PTCD1: variants seen among roughly 807,000 people sequenced by gnomAD.
PTCD1 encodes the protein pentatricopeptide repeat-containing protein 1, mitochondrial.
In PTCD1, 50 loss-of-function variants were observed where a neutral mutation model predicts 53.4. That is an observed-to-expected ratio of 0.94 (90% confidence interval 0.75 to 1.19). PTCD1 has a LOEUF of 1.19. PTCD1 is among the 50% of genes most tolerant of loss of function. The probability of loss-of-function intolerance (pLI) is 0.00; values close to 1 mark genes in which losing one functional copy is unlikely to be tolerated. For synonymous variants in PTCD1, 413 were observed against 394.8 expected, an observed-to-expected ratio of 1.05 and a Z score of -0.55; for missense variants, 918 against 904.8, an observed-to-expected ratio of 1.01 and a Z score of -0.19.
At chr7:99,435,786 C>T (rs919537541) in intron 1 of PTCD1, among the ~76,000 whole-genome samples, 10 of 151,138 alleles carry the variant, frequency 6.6e-5, no homozygotes, top group African/African-American at 2.4e-4. Context: ...ATACAAAAAA[C>T]ATGAGCTGGG....
intron 2 of PTCD1, among the ~76,000 whole-genome samples, chr7:99,434,333 C>G (rs1036900379): frequency 6.6e-6 from 1 of 151,958 alleles, no homozygotes; most frequent in Non-Finnish European, 1.5e-5. Flanking sequence ...GTAATCCCAG[C>G]TACTCAGGAT....
At position 99,417,442 on chromosome 7, in the gene PTCD1, T is replaced by C. The variant is rs113830555; in HGVS notation, c.*2525A>G. The C allele has an allele frequency of 7.8e-4, 1,266 of 1,613,894 alleles. 8 individuals carry two copies. In the African/African-American group the frequency reaches 0.015, roughly 19 times the overall value. On this transcript the variant is annotated 3_prime_UTR_variant, in exon 8 of 8. Coordinates refer to ENST00000292478, the MANE Select transcript of PTCD1 (RefSeq NM_015545.4). ...TCTTTTTGACAGAACTCTATGAATA[T>C]TGTATTAAAGAAGGCTATGCAGACA...
chr7:99,437,635 G>A (rs760839080), intron 1 of PTCD1, among the ~76,000 whole-genome samples: 1 of 152,074 alleles, frequency 6.6e-6, no homozygotes, highest in Non-Finnish European at 1.5e-5. Context: ...AGTAATAAAT[G>A]TAAGTGACAG....
intron 7 of PTCD1, among the ~76,000 whole-genome samples, chr7:99,420,540 G>C (rs1795757759): frequency 6.6e-6 from 1 of 152,166 alleles, no homozygotes; most frequent in Admixed American, 6.5e-5. Flanking sequence ...ACACTGCCAA[G>C]ATAGGCTCCA....
At chr7:99,436,432 G>A (rs58964157) in intron 1 of PTCD1, among the ~76,000 whole-genome samples, 18,960 of 152,012 alleles carry the variant, frequency 0.12, 1,537 homozygotes, top group African/African-American at 0.22. Flanking sequence ...CCAGCCTGAC[G>A]TGGTGAACCC....
Position 99,417,551 on chromosome 7 carries a change from G to A in PTCD1, c.*2416C>T, listed in dbSNP as rs778333450. On this transcript the variant is annotated 3_prime_UTR_variant, in exon 8 of 8. Transcript: ENST00000292478. ...CATTCAGACACGGGACACCAACTTC[G>A]GGACGAACTGCATCTGCCGCGTGCC... is the stretch of plus-strand genomic sequence containing the variant. 1 of 1,612,026 alleles carries A rather than the reference G, an allele frequency of 6.2e-7. No individual in the cohort carries two copies. The highest frequency in any genetic ancestry group is 8.5e-7 in the Non-Finnish European group (1 of 1,178,676).
chr7:99,438,747 G>A lies in PTCD1; in HGVS notation c.-82C>T. ...GGGAGCCCTGCCCGGTCCCCGCGGC[G>A]AACCAGTCTCTTCCTCGGGTCCCCC... On this transcript the variant is annotated 5_prime_UTR_variant, in exon 1 of 8. Coordinates refer to ENST00000292478, the MANE Select transcript of PTCD1 (RefSeq NM_015545.4). 7.6e-7 allele frequency: 1 copy of A among 1,322,138 alleles called. No homozygotes were observed. Among genetic ancestry groups the A allele is most frequent in the Non-Finnish European group, 9.9e-7 (1 of 1,012,358 alleles). The allele number at this position is 1,322,138 out of a possible 1,614,324, so 81.9% of individuals were successfully genotyped here. A position where few individuals can be genotyped will look rare whatever the true frequency, so the allele number is the denominator to read the frequency against.
rs550006187 is a variant in PTCD1, at chr7:99,417,828, A to G, written c.*2139T>C. On this transcript the variant is annotated 3_prime_UTR_variant, in exon 8 of 8. Transcript: ENST00000292478. ...TCTCAACTCCACTTTTGGGCAAATT[A>G]CTGAACCCCTTTCCTCACTTAGGAA... 2.7e-6 allele frequency: 4 copies of G among 1,481,140 alleles called. No individual in the cohort carries two copies. The African/African-American group carries it at 5.6e-5, about 21-fold the overall frequency. 91.7% of individuals were successfully genotyped at this position (1,481,140 alleles called of 1,614,324 possible). A position where few individuals can be genotyped will look rare whatever the true frequency, so the allele number is the denominator to read the frequency against.
At position 99,434,833 on chromosome 7, in the gene PTCD1, T is replaced by C. The variant is rs1282465300; in HGVS notation, c.410A>G (p.Tyr137Cys). 2.5e-6 allele frequency: 4 copies of C among 1,614,088 alleles called. No homozygotes were observed. The highest frequency in any genetic ancestry group is 1.3e-5 in the African/African-American group (1 of 74,936). Residue 137 changes from tyrosine to cysteine, a missense_variant, in exon 2 of 8, where the codon TAC becomes TGC. Tyr to Cys is a radical substitution (Grantham distance 194, BLOSUM62 -2). Transcript: ENST00000292478. The stretch of plus-strand genomic sequence containing the variant: ...GTGTTTGCACTGCAAGAAGTACCAG[T>C]ACGGGGTGTTTCTCCGGCCTCGCCA... ...KLWRGRRNTP[Y>C]WYFLQCKHLI...
At position 99,419,275 on chromosome 7, in the gene PTCD1, G is replaced by T; in HGVS notation, c.*692C>A. 2 of 1,288,272 alleles carry T rather than the reference G, an allele frequency of 1.6e-6. No homozygotes were observed. Among genetic ancestry groups the T allele is most frequent in the South Asian group, 2.5e-5 (2 of 81,528 alleles). 79.8% of individuals were successfully genotyped at this position (1,288,272 alleles called of 1,614,324 possible). ...AGAGCTGTCAAGGAAGGGTTTCTGA[G>T]GTGTGTCCCTATATGGCATGGTGGC... On this transcript the variant is annotated 3_prime_UTR_variant, in exon 8 of 8. Coordinates refer to ENST00000292478, the MANE Select transcript of PTCD1 (RefSeq NM_015545.4).
Position 99,420,003 on chromosome 7 carries a change from C to T in PTCD1, c.2067G>A (p.Lys689=), listed in dbSNP as rs919937204. 2 of 1,614,098 alleles carry T rather than the reference C, an allele frequency of 1.2e-6. No individual in the cohort carries two copies. Among genetic ancestry groups the T allele is most frequent in the Admixed American group, 1.7e-5 (1 of 60,010 alleles). Residue 689 remains lysine, a synonymous_variant, in exon 8 of 8, where the codon AAG becomes AAA. Transcript: ENST00000292478. ...CAAGGGCACATCCGTCATCAGCCTC[C>T]TTGCCGGTGTCCTGGTCCCCCTGGG... ...TKPQGDQDTG[K]EADDGCALGG...
At chr7:99,420,657 C>A (rs1795763837) in intron 7 of PTCD1, among the ~76,000 whole-genome samples, 1 of 152,208 alleles carries the variant, frequency 6.6e-6, no homozygotes, top group Non-Finnish European at 1.5e-5. Flanking sequence ...GCTACTACCA[C>A]ACAATGACAA....
chr7:99,423,859 G>A lies in PTCD1; in HGVS notation c.1836C>T (p.Asp612=). Residue 612 remains aspartate, a synonymous_variant, in exon 7 of 8, where the codon GAC becomes GAT. Coordinates refer to ENST00000292478, the MANE Select transcript of PTCD1 (RefSeq NM_015545.4). ...NYTYLISILK[D]MKQNRVPVNE... The stretch of plus-strand genomic sequence containing the variant: ...TCACCGGGACCCTGTTCTGCTTCAT[G>A]TCCTTCAAGATGCTGATGAGATAGG... The A allele has an allele frequency of 1.2e-6, 2 of 1,614,200 alleles. No homozygotes were observed. The highest frequency in any genetic ancestry group is 2.2e-5 in the South Asian group (2 of 91,086).
At chr7:99,437,416 T>C (rs1796524665) in intron 1 of PTCD1, among the ~76,000 whole-genome samples, 1 of 152,024 alleles carries the variant, frequency 6.6e-6, no homozygotes, top group African/African-American at 2.4e-5. Context: ...GCGATTCTCC[T>C]GCCTCAGCCT....
chr7:99,417,456 G>T lies in PTCD1; in HGVS notation c.*2511C>A. On this transcript the variant is annotated 3_prime_UTR_variant, in exon 8 of 8. Coordinates refer to ENST00000292478, the MANE Select transcript of PTCD1 (RefSeq NM_015545.4). Reference sequence around the variant, plus strand: ...CTCTATGAATATTGTATTAAAGAAGGCTATGCAGACAAAAACCTGATTGCA... The same window carrying T: ...CTCTATGAATATTGTATTAAAGAAGTCTATGCAGACAAAAACCTGATTGCA... The T allele has an allele frequency of 6.2e-7, 1 of 1,613,644 alleles. No homozygotes were observed. Among genetic ancestry groups the T allele is most frequent in the Non-Finnish European group, 8.5e-7 (1 of 1,179,846 alleles).
chr7:99,425,002 G>C lies in PTCD1; in HGVS notation c.1530C>G (p.Leu510=). 6.2e-7 allele frequency: 1 copy of C among 1,614,250 alleles called. No individual in the cohort carries two copies. ...GSPAESLLLA[L]LDEHQVEADL... is the part of the protein sequence containing the mutation. ...CGGCCTCTACCTGGTGCTCATCCAG[G>C]AGGGCCAGCAGCAAGGACTCTGCAG... is the stretch of plus-strand genomic sequence containing the variant. Residue 510 remains leucine (L), a synonymous_variant, in exon 6 of 8, where the codon CTC becomes CTG. Coordinates refer to ENST00000292478, the MANE Select transcript of PTCD1 (RefSeq NM_015545.4).
In PTCD1 at chr7:99,429,168, T is replaced by C; in HGVS notation, c.850A>G (p.Thr284Ala). ...CAGCCCATGAGCAGGAAACTGAAGG[T>C]CTCCTCTGTGACCACGTGCCCTTTG... Reference protein sequence around the residue: ...IHKGHVVTEETFSFLLMGCIQ... With the variant: ...IHKGHVVTEEAFSFLLMGCIQ... Residue 284 changes from threonine to alanine, a missense_variant, in exon 5 of 8, where the codon ACC becomes GCC. Physicochemically the swap from Thr to Ala is moderately conservative, Grantham distance 58 (BLOSUM62 0). Transcript: ENST00000292478. 1 of 1,613,830 alleles carries C rather than the reference T, an allele frequency of 6.2e-7. No homozygotes were observed. The highest frequency in any genetic ancestry group is 8.5e-7 in the Non-Finnish European group (1 of 1,179,934).
chr7:99,436,987 C>G lies in PTCD1; in HGVS notation c.-27+1705G>C, dbSNP rs545109066. The stretch of plus-strand genomic sequence containing the variant: ...TCAAGTGATCCTCCTACCTCAGCCT[C>G]TCAATTAACTAGCACTACTGGTGCA... On this transcript the variant is annotated intron_variant, in intron 1 of 7. Coordinates refer to ENST00000292478, the MANE Select transcript of PTCD1 (RefSeq NM_015545.4). Among the ~76,000 whole-genome samples the G allele has an allele frequency of 2.9e-3, 445 of 152,328 alleles. 2 individuals are homozygous for G. The highest frequency in any genetic ancestry group is 5.0e-3 in the South Asian group (24 of 4,830).
At chr7:99,434,253 C>T (rs896883868) in intron 2 of PTCD1, among the ~76,000 whole-genome samples, 2 of 151,970 alleles carry the variant, frequency 1.3e-5, no homozygotes, top group African/African-American at 4.8e-5. Context: ...TGAGACCAGC[C>T]TGGCCATCAT....
Sources: gnomAD v4.1 joint callset for allele counts (sites outside exome capture counted in the v4.1 genomes callset) on GRCh38, gnomAD v4.1.1 for gene constraint, MANE v1.5 for transcripts, NCBI Gene and HGNC (gene_info 2026-07-23, HGNC 2026-07-21) for gene names.